CEP112: variants seen among roughly 807,000 people sequenced by gnomAD.
CEP112 encodes the protein centrosomal protein of 112 kDa.
CEP112 carries 127 observed loss-of-function variants against 153.0 expected under a neutral mutation model. The ratio of observed to expected loss-of-function variants is 0.83; its 90% CI spans 0.72 to 0.96. The LOEUF is 0.96. CEP112 is among the 40% of genes least tolerant of loss of function. The pLI, the probability that CEP112 is intolerant of heterozygous loss-of-function variation, is 0.00. For synonymous variants in CEP112, 358 were observed against 374.4 expected, an observed-to-expected ratio of 0.96 and a Z score of 0.51; for missense variants, 1,089 against 1,101.2, an observed-to-expected ratio of 0.99 and a Z score of 0.16.
At chr17:66,189,584 T>TA (rs35113766) in intron 1 of CEP112, among the ~76,000 whole-genome samples, 5,144 of 148,456 alleles carry the variant, frequency 0.035, 125 homozygotes, top group Middle Eastern at 0.063. Flanking sequence ...AGTATACATT[T>TA]AAAAAAAAAA....
chr17:65,968,944 A>G (rs570776600), intron 17 of CEP112, among the ~76,000 whole-genome samples: 1 of 152,334 alleles, frequency 6.6e-6, no homozygotes, highest in South Asian at 2.1e-4. Context: ...TGTATATCAA[A>G]TATCTAGAGT....
At chr17:65,980,925 C>T (rs551179583) in intron 17 of CEP112, among the ~76,000 whole-genome samples, 7 of 152,008 alleles carry the variant, frequency 4.6e-5, no homozygotes, top group Non-Finnish European at 5.9e-5. Flanking sequence ...TTACAGGTGC[C>T]GGCCACCACA....
intron 23 of CEP112, among the ~76,000 whole-genome samples, chr17:65,714,885 T>G (rs1003970606): frequency 1.3e-5 from 2 of 152,052 alleles, no homozygotes; most frequent in African/African-American, 4.8e-5. Flanking sequence ...GTGGAGCTGT[T>G]AGGCAGTGGG....
intron 21 of CEP112, among the ~76,000 whole-genome samples, chr17:65,760,728 C>T (rs1171698321): frequency 1.3e-5 from 2 of 151,810 alleles, no homozygotes; most frequent in Non-Finnish European, 1.5e-5. Context: ...ATGCTTCTGT[C>T]TGGTTTTGGT....
At chr17:65,719,116 A>G (rs1056162787) in intron 23 of CEP112, among the ~76,000 whole-genome samples, 1 of 152,260 alleles carries the variant, frequency 6.6e-6, no homozygotes, top group African/African-American at 2.4e-5. Context: ...TGCCTTTCAC[A>G]CAACAGTGGG....
chr17:65,781,819 G>A (rs7224629), intron 21 of CEP112, among the ~76,000 whole-genome samples: 48,869 of 152,056 alleles, frequency 0.32, 9,669 homozygotes, highest in Middle Eastern at 0.45. Context: ...GCAGAAGAAT[G>A]AAAATGGATC....
At chr17:65,838,120 C>T (rs2057390678) in intron 21 of CEP112, among the ~76,000 whole-genome samples, 1 of 151,738 alleles carries the variant, frequency 6.6e-6, no homozygotes, top group African/African-American at 2.4e-5. Context: ...TACAATGATA[C>T]AATTAAAAAA....
At chr17:65,982,336 A>G (rs2063259025) in intron 17 of CEP112, among the ~76,000 whole-genome samples, 1 of 152,236 alleles carries the variant, frequency 6.6e-6, no homozygotes, top group African/African-American at 2.4e-5. Flanking sequence ...AGCTGGCATA[A>G]GACATACAGG....
chr17:65,956,622 G>A (rs2062014128), intron 18 of CEP112, among the ~76,000 whole-genome samples: 1 of 151,760 alleles, frequency 6.6e-6, no homozygotes, highest in Admixed American at 6.6e-5. Flanking sequence ...GGGACTCAGG[G>A]GGAAGACTTT....
intron 23 of CEP112, among the ~76,000 whole-genome samples, chr17:65,732,952 A>G (rs1266821785): frequency 6.6e-6 from 1 of 152,122 alleles, no homozygotes; most frequent in Non-Finnish European, 1.5e-5. Context: ...AGCACTTTTA[A>G]TTTCCTTCAA....
intron 23 of CEP112, among the ~76,000 whole-genome samples, chr17:65,706,994 CT>C (rs1414010491): frequency 1.3e-5 from 2 of 152,222 alleles, no homozygotes; most frequent in Non-Finnish European, 2.9e-5. Flanking sequence ...CACATGTTCC[CT>C]CCCAAAGACT....
At chr17:66,123,808 GTTGT>G (rs1568517504) in intron 6 of CEP112, among the ~76,000 whole-genome samples, 1 of 152,152 alleles carries the variant, frequency 6.6e-6, no homozygotes, top group Non-Finnish European at 1.5e-5. Flanking sequence ...TTAGAAGTGT[GTTGT>G]TTAATTTCTA....
chr17:65,826,079 A>G, intron 21 of CEP112: 1 of 1,542,546 alleles, frequency 6.5e-7, no homozygotes, highest in Non-Finnish European at 9.0e-7. Flanking sequence ...CTCAGCAATG[A>G]GATTTATTTT....
chr17:65,993,458 G>A (rs1568350766), intron 17 of CEP112, among the ~76,000 whole-genome samples: 1 of 152,080 alleles, frequency 6.6e-6, no homozygotes. Flanking sequence ...TATAATATGT[G>A]TATTCTTAAC....
At chr17:65,875,164 A>G (rs532178917) in intron 20 of CEP112, among the ~76,000 whole-genome samples, 1 of 152,214 alleles carries the variant, frequency 6.6e-6, no homozygotes, top group African/African-American at 2.4e-5. Flanking sequence ...TTCTCTGAAA[A>G]AAAATTGATG....
At chr17:65,883,091 A>C (rs1165324971) in intron 20 of CEP112, among the ~76,000 whole-genome samples, 3 of 152,116 alleles carry the variant, frequency 2.0e-5, no homozygotes, top group African/African-American at 7.2e-5. Context: ...CTTTTGTTTC[A>C]GTCTCTGGGT....
rs1242638686 is a variant in CEP112 at position 65,641,012 on chromosome 17, T to G, written c.2751A>C (p.Ala917=). ...TGTCTTCAAGTTCTTGTCTTAGGGA[T>G]GCTGGCATCAATCCTTTCAATTTTG... ...YETKLKGLMP[A]SLRQELEDTI... Residue 917 remains alanine (A), a synonymous_variant, in exon 25 of 27, where the codon GCA becomes GCC. Coordinates refer to ENST00000535342, the MANE Select transcript of CEP112 (RefSeq NM_001199165.4). 4 of 1,612,036 alleles carry G rather than the reference T, an allele frequency of 2.5e-6. No homozygotes were observed. Among genetic ancestry groups the G allele is most frequent in the Non-Finnish European group, 3.4e-6 (4 of 1,178,278 alleles).
At chr17:65,754,185 C>T (rs1172327797) in intron 21 of CEP112, among the ~76,000 whole-genome samples, 1 of 152,178 alleles carries the variant, frequency 6.6e-6, no homozygotes, top group East Asian at 1.9e-4. Flanking sequence ...AACAGATGGC[C>T]TCCCTGAGAG....
rs78257165 is a variant in CEP112, at chr17:65,950,486, G to A, written c.1872+10977C>T. 5.3e-4 allele frequency among the ~76,000 whole-genome samples: 80 copies of A among 151,684 alleles called. 1 individual carries two copies. The highest frequency in any genetic ancestry group is 1.9e-3 in the African/African-American group (78 of 41,408). ...TTGTAAATATTTTATTCTTTTCGACGTTATTATGAATTAAATGGCTTTCTT... is the reference window on the plus strand; with the variant it reads ...TTGTAAATATTTTATTCTTTTCGACATTATTATGAATTAAATGGCTTTCTT... On this transcript the variant is annotated intron_variant, in intron 18 of 26. Transcript: ENST00000535342.
Sources: gnomAD v4.1 joint callset for allele counts (sites outside exome capture counted in the v4.1 genomes callset) on GRCh38, gnomAD v4.1.1 for gene constraint, MANE v1.5 for transcripts, NCBI Gene and HGNC (gene_info 2026-07-23, HGNC 2026-07-21) for gene names.